KCNMB4: variants seen among roughly 807,000 people sequenced by gnomAD.
KCNMB4 encodes the protein calcium-activated potassium channel subunit beta-4.
In KCNMB4, 3 loss-of-function variants were observed where a neutral mutation model predicts 20.7. That is an observed-to-expected ratio of 0.14 (90% CI 0.07 to 0.37). The LOEUF (loss-of-function observed/expected upper bound fraction) is 0.37. Ranked by LOEUF, KCNMB4 falls within the 10% of genes least tolerant of loss-of-function variation. The pLI is 1.00. For synonymous variants in KCNMB4, 110 were observed against 113.4 expected, an observed-to-expected ratio of 0.97 and a Z score of 0.19; for missense variants, 168 against 265.9, an observed-to-expected ratio of 0.63 and a Z score of 2.56.
At chr12:70,380,021 G>A (rs1333260518) in intron 1 of KCNMB4, among the ~76,000 whole-genome samples, 1 of 152,164 alleles carries the variant, frequency 6.6e-6, no homozygotes, top group East Asian at 1.9e-4. Context: ...TGGCTGTTTG[G>A]CAGAAGAGGC....
chr12:70,432,031 T>A lies in KCNMB4; in HGVS notation c.*1378T>A, dbSNP rs1416753679. ...CCACATACCAATGTTTTCTTTTTTC[T>A]TTTTTTTTTTTTTTTTTGAGATGGT... On this transcript the variant is annotated 3_prime_UTR_variant, in exon 3 of 3. Coordinates refer to ENST00000258111, the MANE Select transcript of KCNMB4 (RefSeq NM_014505.6). 1 of 92,978 alleles carries A rather than the reference T, an allele frequency of 1.1e-5. No homozygotes were observed. The highest frequency in any genetic ancestry group is 2.4e-5 in the Non-Finnish European group (1 of 42,488). The allele number at this position is 92,978 out of a possible 1,614,324, so 5.8% of individuals were successfully genotyped here. A position where few individuals can be genotyped will look rare whatever the true frequency, so the allele number is the denominator to read the frequency against.
chr12:70,422,941 C>T, intron 2 of KCNMB4: 1 of 719,208 alleles, frequency 1.4e-6, no homozygotes. Flanking sequence ...TTGGTTGAGA[C>T]AATTACTTCA....
chr12:70,382,183 C>G (rs780909032), intron 1 of KCNMB4, among the ~76,000 whole-genome samples: 1 of 151,918 alleles, frequency 6.6e-6, no homozygotes, highest in African/African-American at 2.4e-5. Flanking sequence ...CGGTGGCTCA[C>G]GCCTGTAATC....
intron 1 of KCNMB4, among the ~76,000 whole-genome samples, chr12:70,368,673 C>T (rs1019240565): frequency 6.6e-6 from 1 of 151,978 alleles, no homozygotes; most frequent in Non-Finnish European, 1.5e-5. Flanking sequence ...GGCAGTTCAT[C>T]ATTTAGAAGT....
chr12:70,424,700 AG>A (rs760030458), intron 2 of KCNMB4, among the ~76,000 whole-genome samples: 34 of 152,048 alleles, frequency 2.2e-4, no homozygotes, highest in Non-Finnish European at 4.4e-4. Flanking sequence ...CAGTGAGCCG[AG>A]ATCGTGCCAC....
intron 2 of KCNMB4, among the ~76,000 whole-genome samples, chr12:70,419,788 A>G (rs1378078981): frequency 6.6e-6 from 1 of 152,216 alleles, no homozygotes; most frequent in African/African-American, 2.4e-5. Flanking sequence ...AGGATATTCT[A>G]TAAAAAGTAA....
At chr12:70,401,371 C>T (rs901149884) in intron 2 of KCNMB4, among the ~76,000 whole-genome samples, 2 of 145,592 alleles carry the variant, frequency 1.4e-5, no homozygotes, top group Admixed American at 1.3e-4. Context: ...TCTGCCTCCC[C>T]ACTATCACTG....
chr12:70,401,472 T>C (rs1262516152), intron 2 of KCNMB4, among the ~76,000 whole-genome samples: 2 of 152,164 alleles, frequency 1.3e-5, no homozygotes, highest in African/African-American at 4.8e-5. Flanking sequence ...TCCAAGCCAC[T>C]CTCCATAGTA....
chr12:70,429,156 G>A (rs1224949219), intron 2 of KCNMB4, among the ~76,000 whole-genome samples: 1 of 152,164 alleles, frequency 6.6e-6, no homozygotes, highest in Non-Finnish European at 1.5e-5. Context: ...AATTATGAGA[G>A]CTGTGACTAA....
intron 1 of KCNMB4, among the ~76,000 whole-genome samples, chr12:70,387,202 C>T (rs953970443): frequency 4.0e-5 from 6 of 150,918 alleles, no homozygotes; most frequent in Non-Finnish European, 7.4e-5. Context: ...TGTATCATTC[C>T]GACAGCTGTG....
chr12:70,372,907 C>G (rs1236919292), intron 1 of KCNMB4, among the ~76,000 whole-genome samples: 1 of 152,084 alleles, frequency 6.6e-6, no homozygotes, highest in African/African-American at 2.4e-5. Context: ...AACAGAGTTT[C>G]ATCTTGGTGG....
chr12:70,430,207 T>A (rs1441393815), intron 2 of KCNMB4, among the ~76,000 whole-genome samples: 1 of 152,126 alleles, frequency 6.6e-6, no homozygotes, highest in African/African-American at 2.4e-5. Context: ...ATTAAGTAAC[T>A]TAGAATGAAG....
chr12:70,398,037 C>G (rs769434339), intron 1 of KCNMB4, among the ~76,000 whole-genome samples: 1 of 152,104 alleles, frequency 6.6e-6, no homozygotes, highest in African/African-American at 2.4e-5. Context: ...ATATCCAACA[C>G]CTTAGAGAAA....
At chr12:70,414,815 A>C (rs1174707318) in intron 2 of KCNMB4, among the ~76,000 whole-genome samples, 1 of 152,228 alleles carries the variant, frequency 6.6e-6, no homozygotes, top group Admixed American at 6.5e-5. Flanking sequence ...GCAAGAATTT[A>C]AAATTTATTC....
intron 2 of KCNMB4, 41 bp downstream of exon 2, chr12:70,400,377 G>T: frequency 1.3e-6 from 2 of 1,580,564 alleles, no homozygotes; most frequent in Non-Finnish European, 1.7e-6. Context: ...ATTGTTTGTA[G>T]ACTCTGCAGC....
intron 2 of KCNMB4, among the ~76,000 whole-genome samples, chr12:70,430,123 C>G (rs1297931140): frequency 6.6e-6 from 1 of 151,804 alleles, no homozygotes; most frequent in Admixed American, 6.6e-5. Flanking sequence ...GAATGCTCAC[C>G]CATCAGTAAT....
chr12:70,383,669 G>C (rs1420312584), intron 1 of KCNMB4, among the ~76,000 whole-genome samples: 1 of 152,178 alleles, frequency 6.6e-6, no homozygotes, highest in African/African-American at 2.4e-5. Context: ...TGCAATCCTT[G>C]CATTCCTTGG....
chr12:70,418,593 C>T (rs1565866065), intron 2 of KCNMB4, among the ~76,000 whole-genome samples: 1 of 152,086 alleles, frequency 6.6e-6, no homozygotes, highest in Admixed American at 6.6e-5. Flanking sequence ...GAGACAAAGG[C>T]GCGTGCTAAC....
At chr12:70,371,193 T>A (rs1159000497) in intron 1 of KCNMB4, among the ~76,000 whole-genome samples, 1 of 152,148 alleles carries the variant, frequency 6.6e-6, no homozygotes, top group African/African-American at 2.4e-5. Context: ...TTTTTTCCCC[T>A]TCCTCTAATA....
Sources: gnomAD v4.1 joint callset for allele counts (sites outside exome capture counted in the v4.1 genomes callset) on GRCh38, gnomAD v4.1.1 for gene constraint, MANE v1.5 for transcripts, NCBI Gene and HGNC (gene_info 2026-07-23, HGNC 2026-07-21) for gene names.